Variants in CD163 observed in about 807,000 individuals in gnomAD.
CD163 encodes the protein scavenger receptor cysteine-rich type 1 protein M130.
CD163 carries 64 observed loss-of-function variants against 129.2 expected under a neutral mutation model. The observed-to-expected ratio is 0.50, with a 90% CI of 0.41 to 0.61. CD163 has a LOEUF of 0.61. Ranked by LOEUF, CD163 falls within the 20% of genes least tolerant of loss-of-function variation. The probability of loss-of-function intolerance (pLI) is 0.00; values close to 1 mark genes in which losing one functional copy is unlikely to be tolerated. For missense variants in CD163, 1,061 were observed against 1,377.9 expected, an observed-to-expected ratio of 0.77 and a Z score of 3.64; for synonymous variants, 446 against 478.5, an observed-to-expected ratio of 0.93 and a Z score of 0.89.
intron 2 of CD163, 126 bp from the exon 3 acceptor site, chr12:7,501,588 A>G: frequency 1.5e-6 from 1 of 671,164 alleles, no homozygotes; most frequent in Non-Finnish European, 2.6e-6. Flanking sequence ...TATCCATGGT[A>G]AAACAGAAGA....
At chr12:7,481,306 C>T (rs759566463) in intron 14 of CD163, 50 bp from the exon 15 acceptor site, 1 of 1,451,524 alleles carries the variant, frequency 6.9e-7, no homozygotes, top group South Asian at 1.1e-5. Flanking sequence ...AATAAAATTT[C>T]CCTTGCTGTA....
chr12:7,483,701 ATT>A, intron 11 of CD163, 26 bp from the exon 12 acceptor site: 1 of 1,546,010 alleles, frequency 6.5e-7, no homozygotes, highest in Non-Finnish European at 8.8e-7. Context: ...CATGTAGCCT[ATT>A]TCTAAGACTT....
intron 16 of CD163, among the ~76,000 whole-genome samples, chr12:7,475,775 A>T (rs1949078801): frequency 6.6e-6 from 1 of 152,034 alleles, no homozygotes; most frequent in Non-Finnish European, 1.5e-5. Context: ...AGGGTATTCA[A>T]ACAGGAATAG....
intron 6 of CD163, among the ~76,000 whole-genome samples, chr12:7,491,309 A>C (rs1278192580): frequency 1.3e-5 from 2 of 152,080 alleles, no homozygotes; most frequent in African/African-American, 4.8e-5. Flanking sequence ...CTCCATCCTC[A>C]GCCTTTATTT....
chr12:7,495,414 C>T lies in CD163; in HGVS notation c.1100-13G>A, dbSNP rs1300076916. The T allele has an allele frequency of 1.9e-6, 3 of 1,610,610 alleles. No homozygotes were observed. The highest frequency in any genetic ancestry group is 1.7e-5 in the Admixed American group (1 of 59,904). On this transcript the variant is annotated splice_polypyrimidine_tract_variant and intron_variant, in intron 5 of 16. Coordinates refer to ENST00000432237, the MANE Select transcript of CD163 (RefSeq NM_203416.4). ...AGATCTGATCCATCTGCAAAAGAAACATAAACTTAAACCATCGATACATAT... is the reference window on the plus strand; with the variant it reads ...AGATCTGATCCATCTGCAAAAGAAATATAAACTTAAACCATCGATACATAT...
chr12:7,502,824 G>A (rs1949513184), intron 1 of CD163: 4 of 552,824 alleles, frequency 7.2e-6, no homozygotes, highest in Non-Finnish European at 9.5e-6. Flanking sequence ...AGAATTGCAA[G>A]GTCAACCCTT....
At chr12:7,483,079 G>T in intron 12 of CD163, 75 bp from the exon 13 acceptor site, 1 of 1,437,604 alleles carries the variant, frequency 7.0e-7, no homozygotes, top group South Asian at 1.2e-5. Context: ...TTCCTTGTCT[G>T]ACCCCTTAGT....
rs376853918 is a variant in CD163, at chr12:7,494,815, T to C, written c.1420+266A>G. 2.0e-4 allele frequency among the ~76,000 whole-genome samples: 30 copies of C among 152,370 alleles called. No individual in the cohort carries two copies. The Middle Eastern group carries it at 0.014, about 69-fold the overall frequency. ...ATCCTGTGAAAGAAATATTGAATTC[T>C]ATTTTTTAAATTTTAATCCTCCTTA... is the stretch of plus-strand genomic sequence containing the variant. On this transcript the variant is annotated intron_variant, in intron 6 of 16. Coordinates refer to ENST00000432237, the MANE Select transcript of CD163 (RefSeq NM_203416.4).
chr12:7,477,407 T>C (rs1267661330), intron 16 of CD163, among the ~76,000 whole-genome samples: 2 of 151,938 alleles, frequency 1.3e-5, no homozygotes, highest in Non-Finnish European at 2.9e-5. Flanking sequence ...TATAGAGCCA[T>C]AAAAAAGAAT....
chr12:7,475,200 A>G lies in CD163; in HGVS notation c.*32-3803T>C, dbSNP rs765219285. Among the ~76,000 whole-genome samples the G allele has an allele frequency of 2.6e-5, 4 of 152,168 alleles. No homozygotes were observed. The East Asian group carries it at 7.7e-4, about 29-fold the overall frequency. ...ACCATTCCTTCTGAAACTATCCCAAACAATAGAAAAAGAGAGACTCCTCCC... is the reference window on the plus strand; with the variant it reads ...ACCATTCCTTCTGAAACTATCCCAAGCAATAGAAAAAGAGAGACTCCTCCC... On this transcript the variant is annotated intron_variant, in intron 16 of 16. Coordinates refer to ENST00000432237, the MANE Select transcript of CD163 (RefSeq NM_203416.4).
In CD163 at chr12:7,486,956, T is replaced by G; in HGVS notation, c.2081A>C (p.Asn694Thr). ...CCTTGTTGGGCCCAAAGACGATGAA[T>G]TGCACGAGGACAGTGTTTGGGACTG... ...GNQSQTLSSC[N>T]SSSLGPTRPT... The change falls in exon 9 of 17, where the codon AAT (asparagine) becomes ACT (threonine). Residue 694 changes from asparagine to threonine, a missense_variant. Physicochemically the swap from Asn to Thr is moderately conservative, Grantham distance 65. Transcript: ENST00000432237. 1 of 1,614,162 alleles carries G rather than the reference T, an allele frequency of 6.2e-7. No individual in the cohort carries two copies. Among genetic ancestry groups the G allele is most frequent in the South Asian group, 1.1e-5 (1 of 91,082 alleles).
chr12:7,481,404 A>C (rs919216179), intron 14 of CD163, 148 bp from the exon 15 acceptor site: 1 of 608,520 alleles, frequency 1.6e-6, no homozygotes, highest in Non-Finnish European at 3.0e-6. Context: ...CTCTTCCCTT[A>C]CAATTCCGCA....
Position 7,486,995 on chromosome 12 carries a change from A to G in CD163, c.2051-9T>C. Reference sequence around the variant, plus strand: ...TGTTTGGGACTGGTTTCCTGCAAACACCAAGGTACTCAGTCATACAAGACA... The same window carrying G: ...TGTTTGGGACTGGTTTCCTGCAAACGCCAAGGTACTCAGTCATACAAGACA... On this transcript the variant is annotated splice_polypyrimidine_tract_variant and intron_variant, in intron 8 of 16. Transcript: ENST00000432237. 6.2e-7 allele frequency: 1 copy of G among 1,609,690 alleles called. No individual in the cohort carries two copies. Among genetic ancestry groups the G allele is most frequent in the Non-Finnish European group, 8.5e-7 (1 of 1,176,266 alleles).
At chr12:7,491,221 T>C (rs1295077414) in intron 6 of CD163, among the ~76,000 whole-genome samples, 1 of 152,072 alleles carries the variant, frequency 6.6e-6, no homozygotes, top group Non-Finnish European at 1.5e-5. Context: ...TCTATAAGTA[T>C]CCTCTTGTTT....
chr12:7,502,386 G>C (rs780347176), intron 2 of CD163, 92 bp downstream of exon 2: 41 of 791,578 alleles, frequency 5.2e-5, no homozygotes, highest in Non-Finnish European at 8.2e-5. Context: ...CTAGTTTTTA[G>C]ATGCTACTTG....
intron 6 of CD163, among the ~76,000 whole-genome samples, chr12:7,490,207 T>C (rs918669946): frequency 6.6e-5 from 10 of 152,016 alleles, no homozygotes; most frequent in Non-Finnish European, 1.5e-4. Flanking sequence ...CTAAACTGGA[T>C]CTTGAAAAAA....
Position 7,501,149 on chromosome 12 carries a change from C to T in CD163, c.447G>A (p.Val149=). 1.2e-6 allele frequency: 2 copies of T among 1,614,002 alleles called. No individual in the cohort carries two copies. Among genetic ancestry groups the T allele is most frequent in the South Asian group, 1.1e-5 (1 of 91,070 alleles). The part of the protein sequence containing the change: ...SNCTHQQDAG[V]TCSDGSNLEM... ...TAATGCAAGTCTTACCTGAGCAGGT[C>T]ACTCCAGCATCTTGTTGGTGAGTAC... Residue 149 remains valine (V), a synonymous_variant, in exon 3 of 17, where the codon GTG becomes GTA. Transcript: ENST00000432237.
At chr12:7,478,619 GTA>G (rs760278570) in intron 16 of CD163, among the ~76,000 whole-genome samples, 45 of 151,972 alleles carry the variant, frequency 3.0e-4, no homozygotes, top group Admixed American at 5.9e-4. Context: ...ATCTATGTGT[GTA>G]TATATATAGT....
At chr12:7,492,565 G>A (rs1949340707) in intron 6 of CD163, among the ~76,000 whole-genome samples, 1 of 152,026 alleles carries the variant, frequency 6.6e-6, no homozygotes, top group African/African-American at 2.4e-5. Flanking sequence ...AATTTATTGG[G>A]CAAAGTACAA....
Sources: gnomAD v4.1 joint callset for allele counts (sites outside exome capture counted in the v4.1 genomes callset) on GRCh38, gnomAD v4.1.1 for gene constraint, MANE v1.5 for transcripts, NCBI Gene and HGNC (gene_info 2026-07-23, HGNC 2026-07-21) for gene names.